Variants in PABIR3 observed in about 807,000 individuals in gnomAD.
PABIR3 encodes the protein PABIR family member 1.
PABIR3 carries 20 observed loss-of-function variants against 23.1 expected under a neutral mutation model. The ratio of observed to expected loss-of-function variants is 0.86; its 90% CI spans 0.61 to 1.26. The LOEUF is 1.26. Ranked by LOEUF, PABIR3 falls within the 50% of genes most tolerant of loss-of-function variation. The pLI, the probability that PABIR3 is intolerant of heterozygous loss-of-function variation, is 0.00. For synonymous variants in PABIR3, 69 were observed against 68.5 expected (o/e 1.01, Z -0.04); for missense variants, 189 against 195.4 (o/e 0.97, Z 0.20).
intron 2 of PABIR3, chrX:134,808,116 C>T (rs943130084): frequency 1.3e-5 from 4 of 296,363 alleles, no homozygotes; most frequent in African/African-American, 1.1e-4. Flanking sequence ...TGCTTTGTCA[C>T]CTCTGACCTT....
intron 3 of PABIR3, 27 bp from the exon 4 acceptor site, chrX:134,829,199 G>A (rs1348929328): frequency 1.7e-6 from 2 of 1,167,260 alleles, no homozygotes; most frequent in African/African-American, 3.6e-5. Flanking sequence ...ATTAAAGCAA[G>A]CTTGACTTCT....
downstream of PABIR3, among the ~76,000 whole-genome samples, chrX:134,858,451 T>C (rs1329269028): frequency 6.3e-5 from 7 of 111,919 alleles, no homozygotes; most frequent in African/African-American, 6.5e-5. Context: ...CTACAGGATA[T>C]ATTTAATCTC....
chrX:134,845,129 C>T, intron 4 of PABIR3, 76 bp from the exon 5 acceptor site: 1 of 780,916 alleles, frequency 1.3e-6, no homozygotes, highest in South Asian at 2.3e-5. Context: ...AATAATGGTG[C>T]ATCCAAATGA....
At chrX:134,806,617 C>CA (rs112975762), upstream of PABIR3, among the ~76,000 whole-genome samples, 4,360 of 68,309 alleles carry the variant, frequency 0.064, 93 homozygotes, top group Middle Eastern at 0.11. Context: ...AATTCCATCT[C>CA]AAAAAAAAAA....
intron 3 of PABIR3, among the ~76,000 whole-genome samples, chrX:134,825,081 A>AG (rs895385398): frequency 1.8e-4 from 20 of 111,401 alleles, no homozygotes; most frequent in Non-Finnish European, 3.6e-4. Flanking sequence ...TGAGAGCCGG[A>AG]GGGGGGTATG....
In PABIR3 at chrX:134,797,528, G is replaced by C. The variant is rs187481165; in HGVS notation, c.-98+664G>C. Among the ~76,000 whole-genome samples the C allele has an allele frequency of 5.3e-5, 6 of 112,223 alleles. No homozygotes were observed. In the East Asian group the frequency reaches 1.7e-3, roughly 31 times the overall value. On this transcript the variant is annotated intron_variant, in intron 1 of 4. Transcript: ENST00000414371. The stretch of plus-strand genomic sequence containing the variant: ...CTCATGCCTTAAATCCCTCGATTTT[G>C]TTGGTCTTTGTCTGCAGGGGCTGAT...
At chrX:134,816,349 T>C (rs776744216) in intron 3 of PABIR3, among the ~76,000 whole-genome samples, 1 of 111,837 alleles carries the variant, frequency 8.9e-6, no homozygotes, top group African/African-American at 3.3e-5. Context: ...GAGATGGAGT[T>C]TTGCTCTTTT....
upstream of PABIR3, among the ~76,000 whole-genome samples, chrX:134,806,046 G>T (rs1362639938): frequency 1.8e-5 from 2 of 112,217 alleles, no homozygotes; most frequent in Non-Finnish European, 3.8e-5. Flanking sequence ...TATTAGCATG[G>T]AGTTAAGATT....
chrX:134,836,223 T>G (rs1183113227), intron 4 of PABIR3, among the ~76,000 whole-genome samples: 2 of 111,844 alleles, frequency 1.8e-5, no homozygotes, highest in African/African-American at 6.5e-5. Context: ...TACTCCTGCC[T>G]CAGGCTCCCA....
At chrX:134,845,771 T>C (rs1396263798) in intron 6 of PABIR3, among the ~76,000 whole-genome samples, 4 of 112,229 alleles carry the variant, frequency 3.6e-5, no homozygotes, top group African/African-American at 6.5e-5. Context: ...GTAAACAGTT[T>C]TGTGACACAA....
At chrX:134,828,035 CTCTCTCTCTCTCTATATA>C (rs2081585553) in intron 3 of PABIR3, among the ~76,000 whole-genome samples, 1 of 71,360 alleles carries the variant, frequency 1.4e-5, no homozygotes, top group African/African-American at 4.9e-5. Flanking sequence ...CTCTCTCTCT[CTCTCTCTCTCTCTATATA>C]TATATATATA....
At chrX:134,824,332 C>T (rs1327019791) in intron 3 of PABIR3, among the ~76,000 whole-genome samples, 1 of 111,484 alleles carries the variant, frequency 9.0e-6, no homozygotes, top group Non-Finnish European at 1.9e-5. Context: ...ACGTGTGGCA[C>T]ATAATAAAAG....
chrX:134,823,066 G>T (rs961544172), intron 3 of PABIR3: 8 of 110,803 alleles, frequency 7.2e-5, no homozygotes, highest in African/African-American at 2.6e-4. Context: ...CTTGAACCTG[G>T]GAGATGGAGG....
At chrX:134,859,853 A>T in the PABIR3 span, among the ~76,000 whole-genome samples, 9 of 112,066 alleles carry the variant, frequency 8.0e-5, no homozygotes, top group African/African-American at 2.9e-4. Context: ...CAAACTTGAA[A>T]GTTGCAAGTA....
chrX:134,819,459 G>T (rs2081161694), intron 3 of PABIR3, among the ~76,000 whole-genome samples: 1 of 111,672 alleles, frequency 9.0e-6, no homozygotes. Context: ...TTGTGTCTAA[G>T]TATCACTTCA....
chrX:134,817,950 G>T (rs2081072700), intron 3 of PABIR3, among the ~76,000 whole-genome samples: 1 of 111,543 alleles, frequency 9.0e-6, no homozygotes, highest in Non-Finnish European at 1.9e-5. Context: ...GCAAAGAGCT[G>T]ATGGTAGCTT....
At chrX:134,841,335 T>A (rs750621885) in intron 4 of PABIR3, among the ~76,000 whole-genome samples, 1 of 111,398 alleles carries the variant, frequency 9.0e-6, no homozygotes, top group East Asian at 2.8e-4. Context: ...TTATTTATAC[T>A]ATAGACGAAA....
At chrX:134,804,667 G>A (rs1034669141), upstream of PABIR3, among the ~76,000 whole-genome samples, 3 of 112,340 alleles carry the variant, frequency 2.7e-5, no homozygotes, top group Non-Finnish European at 3.8e-5. Context: ...CAAAATATAC[G>A]TATGAAACCT....
Position 134,852,474 on chromosome X carries a change from A to AAATAAT in PABIR3, c.590-306_590-301dup, listed in dbSNP as rs772647507. On this transcript the variant is annotated intron_variant, in intron 9 of 10. Coordinates refer to ENST00000645433, the MANE Select transcript of PABIR3 (RefSeq NM_001388447.1). The stretch of plus-strand genomic sequence containing the variant: ...TGGGTGACAGAGCGACTTCTTCACA[A>AAATAAT]AATAATAATAATAATAATAATAATA... Among the ~76,000 whole-genome samples, 104 of 108,659 alleles carry AAATAAT rather than the reference A, an allele frequency of 9.6e-4. 1 individual carries two copies. The highest frequency in any genetic ancestry group is 3.0e-3 in the African/African-American group (91 of 29,847). The allele number at this position is 108,659 out of a possible 115,157, so 94.4% of individuals were successfully genotyped here. A position where few individuals can be genotyped will look rare whatever the true frequency, so the allele number is the denominator to read the frequency against.
Sources: allele counts gnomAD v4.1 joint callset (sites outside exome capture counted in the v4.1 genomes callset), GRCh38; gene constraint gnomAD v4.1.1; transcripts MANE v1.5; gene names NCBI Gene and HGNC (gene_info 2026-07-23, HGNC 2026-07-21).